The following UNC13B variants were observed in gnomAD, a reference collection of about 807,000 sequenced individuals.
The protein encoded by UNC13B is protein unc-13 homolog B.
A neutral mutation model predicts 211.0 loss-of-function variants in UNC13B; 144 were observed. The observed-to-expected ratio is 0.68, with a 90% CI of 0.60 to 0.78. UNC13B has a LOEUF of 0.78. Among genes scored for constraint, UNC13B ranks in the 30% least tolerant of loss-of-function variants. UNC13B has a pLI of 0.00. For missense variants in UNC13B, 1,777 were observed against 2,002.0 expected (o/e 0.89, Z 2.14); for synonymous variants, 709 against 725.8 (o/e 0.98, Z 0.37).
chr9:35,361,127 T>C (rs968866450), intron 11 of UNC13B: 3 of 152,200 alleles, frequency 2.0e-5, no homozygotes, highest in Admixed American at 6.5e-5. Flanking sequence ...GGAGTTAAGA[T>C]TGTATTATTG....
intron 1 of UNC13B, among the ~76,000 whole-genome samples, chr9:35,217,900 C>T (rs562118087): frequency 6.6e-6 from 1 of 152,042 alleles, no homozygotes; most frequent in South Asian, 2.1e-4. Context: ...AAAAATTAGC[C>T]AGGCGTGGTG....
intron 1 of UNC13B, among the ~76,000 whole-genome samples, chr9:35,214,001 TCATGATACATGACGTAGAACATA>T (rs1824116514): frequency 6.6e-6 from 1 of 152,138 alleles, no homozygotes; most frequent in South Asian, 2.1e-4. Flanking sequence ...AACCAGAGTG[TCATGATACATGACGTAGAACATA>T]ATCAGACCTT....
rs1160474466 is a variant in UNC13B at position 35,257,580 on chromosome 9, C to CAAAAAAAAAA, written c.469-1392_469-1383dup. On this transcript the variant is annotated intron_variant, in intron 6 of 39. Coordinates refer to ENST00000635942, the MANE Select transcript of UNC13B (RefSeq NM_001371189.2). The stretch of plus-strand genomic sequence containing the variant: ...TGGGAGAAAGAGTGAGAATCTGTAT[C>CAAAAAAAAAA]AAAAAAAAAAAAAAAAAAAAAAAAA... Among the ~76,000 whole-genome samples the CAAAAAAAAAA allele has an allele frequency of 1.6e-4, 6 of 36,390 alleles. 2 individuals are homozygous for CAAAAAAAAAA. Among genetic ancestry groups the CAAAAAAAAAA allele is most frequent in the East Asian group, 2.6e-3 (2 of 778 alleles). 23.9% of individuals were successfully genotyped at this position (36,390 alleles called of 152,430 possible). A position where few individuals can be genotyped will look rare whatever the true frequency, so the allele number is the denominator to read the frequency against.
At chr9:35,326,184 A>G (rs1333219502) in intron 11 of UNC13B, among the ~76,000 whole-genome samples, 1 of 152,056 alleles carries the variant, frequency 6.6e-6, no homozygotes, top group Non-Finnish European at 1.5e-5. Flanking sequence ...GTGAAGTGCT[A>G]ACTTGTGATT....
chr9:35,400,535 T>TG (rs1836231151), intron 37 of UNC13B, 92 bp downstream of exon 37: 1 of 1,425,474 alleles, frequency 7.0e-7, no homozygotes, highest in African/African-American at 1.4e-5. Flanking sequence ...TGGGAGCAGA[T>TG]CCAGTTACTT....
Position 35,396,594 on chromosome 9 carries a change from G to A in UNC13B, c.11427G>A (p.Glu3809=). The A allele has an allele frequency of 6.2e-7, 1 of 1,613,994 alleles. No individual in the cohort carries two copies. The highest frequency in any genetic ancestry group is 8.5e-7 in the Non-Finnish European group (1 of 1,180,028). The change falls in exon 27 of 40, where the codon GAG becomes GAA. Residue 3809 remains glutamate (E), a synonymous_variant. Transcript: ENST00000635942. ...CTGTCCTCCAGGGGCAGGTGCCTGAGTACCCAGCGTGAGTCATCATGTGGG... is the reference window on the plus strand; with the variant it reads ...CTGTCCTCCAGGGGCAGGTGCCTGAATACCCAGCGTGAGTCATCATGTGGG... ...DLPVLQGQVP[E]YPAWFEQFVL...
intron 22 of UNC13B, chr9:35,385,074 T>C (rs1835104523): frequency 1.0e-6 from 1 of 985,342 alleles, no homozygotes; most frequent in Non-Finnish European, 1.2e-6. Flanking sequence ...AAGTAGCCAT[T>C]TGAAGGTTTA....
chr9:35,378,804 C>G (rs1451348372), intron 17 of UNC13B, among the ~76,000 whole-genome samples: 1 of 152,094 alleles, frequency 6.6e-6, no homozygotes, highest in Non-Finnish European at 1.5e-5. Flanking sequence ...GTTAGGCTCT[C>G]ATAAGGAAGG....
At chr9:35,260,038 CAAAAAAAAAA>C (rs61273217) in intron 7 of UNC13B, among the ~76,000 whole-genome samples, 7 of 64,802 alleles carry the variant, frequency 1.1e-4, no homozygotes, top group Non-Finnish European at 1.8e-4. Flanking sequence ...CTCATTTCTA[CAAAAAAAAAA>C]AAAAAAAAAA....
At chr9:35,170,604 G>A (rs544977171) in intron 1 of UNC13B, among the ~76,000 whole-genome samples, 1 of 152,014 alleles carries the variant, frequency 6.6e-6, no homozygotes, top group South Asian at 2.1e-4. Context: ...GAGTACCTGG[G>A]ACTACAGGTG....
At chr9:35,397,102 A>G (rs1267415168) in intron 28 of UNC13B, 65 bp from the exon 29 acceptor site, 5 of 1,606,390 alleles carry the variant, frequency 3.1e-6, no homozygotes, top group Admixed American at 3.3e-5. Flanking sequence ...GAGCCTTTTC[A>G]AACTCTACAA....
At chr9:35,314,081 C>T (rs576782136) in intron 11 of UNC13B, 92 bp downstream of exon 11, 1 of 1,022,370 alleles carries the variant, frequency 9.8e-7, no homozygotes, top group East Asian at 2.4e-5. Context: ...GATTAGTCAT[C>T]TTCTTACAGT....
chr9:35,286,288 G>C (rs1404963073), intron 7 of UNC13B, among the ~76,000 whole-genome samples: 2 of 146,360 alleles, frequency 1.4e-5, no homozygotes, highest in Admixed American at 7.0e-5. Context: ...CTGGAGTGCA[G>C]TGGCTGTGAT....
intron 1 of UNC13B, among the ~76,000 whole-genome samples, chr9:35,165,072 A>G (rs1332909562): frequency 6.6e-6 from 1 of 152,236 alleles, no homozygotes; most frequent in Non-Finnish European, 1.5e-5. Flanking sequence ...ATAATGAAAC[A>G]TGTAGGAACC....
chr9:35,204,526 T>C (rs949898784), intron 1 of UNC13B, among the ~76,000 whole-genome samples: 3 of 152,178 alleles, frequency 2.0e-5, no homozygotes, highest in Admixed American at 2.0e-4. Context: ...GATTTGGAAC[T>C]TTCCAAGGCC....
intron 3 of UNC13B, among the ~76,000 whole-genome samples, chr9:35,231,971 C>G (rs1410988061): frequency 6.6e-6 from 1 of 151,742 alleles, no homozygotes; most frequent in African/African-American, 2.4e-5. Context: ...GTCTTCCTTT[C>G]TCAGAAGATT....
intron 1 of UNC13B, among the ~76,000 whole-genome samples, chr9:35,203,148 C>T (rs1823417224): frequency 6.6e-6 from 1 of 152,114 alleles, no homozygotes; most frequent in Non-Finnish European, 1.5e-5. Context: ...AATATTTAGC[C>T]CATTTACATT....
At chr9:35,340,661 A>G (rs1001890060) in intron 11 of UNC13B, among the ~76,000 whole-genome samples, 2 of 152,180 alleles carry the variant, frequency 1.3e-5, no homozygotes, top group Non-Finnish European at 2.9e-5. Flanking sequence ...TTGCCCACGT[A>G]CTGTTGGCCT....
chr9:35,398,724 A>G (rs369931375), intron 32 of UNC13B, 82 bp downstream of exon 32: 3 of 1,563,266 alleles, frequency 1.9e-6, no homozygotes, highest in East Asian at 2.2e-5. Flanking sequence ...ACACCTCTCC[A>G]TATAGCTGCA....
Sources: allele counts gnomAD v4.1 joint callset (sites outside exome capture counted in the v4.1 genomes callset), GRCh38; gene constraint gnomAD v4.1.1; transcripts MANE v1.5; gene names NCBI Gene and HGNC (gene_info 2026-07-23, HGNC 2026-07-21).